Variants in UPP2 observed in about 807,000 individuals in gnomAD.
The protein encoded by UPP2 is UPase 2.
UPP2 carries 23 observed loss-of-function variants against 26.7 expected under a neutral mutation model. The observed-to-expected ratio is 0.86, with a 90% CI of 0.62 to 1.22. UPP2 has a LOEUF of 1.22. UPP2 is among the 50% of genes most tolerant of loss of function. UPP2 has a pLI of 0.00. For synonymous variants in UPP2, 127 were observed against 141.3 expected, an observed-to-expected ratio of 0.90 and a Z score of 0.72; for missense variants, 387 against 396.7, an observed-to-expected ratio of 0.98 and a Z score of 0.21.
intron 2 of UPP2, among the ~76,000 whole-genome samples, chr2:158,011,665 C>T (rs1683581602): frequency 7.3e-6 from 1 of 137,454 alleles, no homozygotes; most frequent in Admixed American, 7.1e-5. Context: ...GAACACTTGT[C>T]TGGAGGGAGG....
rs529044589 is a variant in UPP2 at position 158,000,891 on chromosome 2, G to A, written c.61+5632G>A. On this transcript the variant is annotated intron_variant, in intron 2 of 9. Transcript: ENST00000605860. Reference sequence around the variant, plus strand: ...ACCCAGTTTCCTCATCAGTAAAGTGGATAAAAAATTCTAAAATATGACCGG... The same window carrying A: ...ACCCAGTTTCCTCATCAGTAAAGTGAATAAAAAATTCTAAAATATGACCGG... 2.6e-5 allele frequency among the ~76,000 whole-genome samples: 4 copies of A among 152,328 alleles called. No individual in the cohort carries two copies. In the South Asian group the frequency reaches 8.3e-4, roughly 32 times the overall value.
At chr2:158,087,238 A>T (rs1682831809) in intron 3 of UPP2, among the ~76,000 whole-genome samples, 1 of 152,160 alleles carries the variant, frequency 6.6e-6, no homozygotes, top group Non-Finnish European at 1.5e-5. Context: ...ATCATTATAT[A>T]ATGTCCCTCT....
intron 3 of UPP2, among the ~76,000 whole-genome samples, chr2:158,039,475 T>G (rs1489464242): frequency 1.3e-5 from 2 of 152,202 alleles, no homozygotes; most frequent in Non-Finnish European, 2.9e-5. Flanking sequence ...AAAATCAAGG[T>G]ACAGAAAAGT....
At chr2:158,075,550 C>A (rs552231331) in intron 3 of UPP2, among the ~76,000 whole-genome samples, 1 of 151,998 alleles carries the variant, frequency 6.6e-6, no homozygotes, top group African/African-American at 2.4e-5. Context: ...GACAACTGCA[C>A]AAATACATGG....
At chr2:157,996,005 T>C (rs918699110) in intron 2 of UPP2, among the ~76,000 whole-genome samples, 2 of 152,366 alleles carry the variant, frequency 1.3e-5, no homozygotes, top group Admixed American at 1.3e-4. Flanking sequence ...TTTACCAGTA[T>C]ATAGTCCCAG....
At chr2:158,073,536 C>A (rs530111809) in intron 3 of UPP2, among the ~76,000 whole-genome samples, 1 of 152,210 alleles carries the variant, frequency 6.6e-6, no homozygotes, top group African/African-American at 2.4e-5. Flanking sequence ...TACCTCAAGG[C>A]ATTTAATAAT....
At chr2:158,057,309 C>T (rs1246821162) in intron 3 of UPP2, among the ~76,000 whole-genome samples, 1 of 152,014 alleles carries the variant, frequency 6.6e-6, no homozygotes, top group Non-Finnish European at 1.5e-5. Context: ...AGTTAGGCTC[C>T]TGCTCTTCAG....
chr2:158,047,889 C>T (rs989562040), intron 3 of UPP2, among the ~76,000 whole-genome samples: 1 of 152,160 alleles, frequency 6.6e-6, no homozygotes, highest in Admixed American at 6.5e-5. Flanking sequence ...GAAGGAGTCT[C>T]TCTTACCTCA....
chr2:158,106,503 A>G (rs1327752723), intron 2 of UPP2, among the ~76,000 whole-genome samples: 2 of 152,182 alleles, frequency 1.3e-5, no homozygotes, highest in African/African-American at 4.8e-5. Flanking sequence ...GGTGTTGAGA[A>G]TTCATTATGT....
In UPP2 at chr2:158,051,650, G is replaced by A. The variant is rs184862347; in HGVS notation, c.147+35764G>A. On this transcript the variant is annotated intron_variant, in intron 3 of 9. Transcript: ENST00000605860. The stretch of plus-strand genomic sequence containing the variant: ...ACAAAAATTAGCTGGGTGTGGTGGC[G>A]GGCACCTGTAATCCCAGCTACTCAG... 6.8e-3 allele frequency among the ~76,000 whole-genome samples: 1,038 copies of A among 151,956 alleles called. 16 individuals are homozygous for A. The highest frequency in any genetic ancestry group is 0.023 in the African/African-American group (961 of 41,454).
At chr2:158,011,264 G>A (rs1208583641) in intron 2 of UPP2, among the ~76,000 whole-genome samples, 1 of 152,186 alleles carries the variant, frequency 6.6e-6, no homozygotes, top group Non-Finnish European at 1.5e-5. Flanking sequence ...TAACCAGACA[G>A]CCAGAAGGAC....
chr2:157,998,671 G>A (rs942634863), intron 2 of UPP2, among the ~76,000 whole-genome samples: 6 of 151,966 alleles, frequency 3.9e-5, no homozygotes, highest in Non-Finnish European at 8.8e-5. Flanking sequence ...GTGTGGTGGC[G>A]CATGCCTGTA....
chr2:158,134,686 T>C, intron 6 of UPP2, 62 bp from the exon 7 acceptor site: 1 of 1,501,310 alleles, frequency 6.7e-7, no homozygotes, highest in South Asian at 1.4e-5. Flanking sequence ...TGTGTTTGGC[T>C]AATGCTTCTA....
chr2:158,045,055 A>C (rs1420838152), intron 3 of UPP2, among the ~76,000 whole-genome samples: 1 of 152,114 alleles, frequency 6.6e-6, no homozygotes, highest in Non-Finnish European at 1.5e-5. Context: ...CTTTTTCCTG[A>C]ATGTATTTTC....
chr2:158,061,030 G>A (rs1247967273), intron 3 of UPP2, among the ~76,000 whole-genome samples: 4 of 152,320 alleles, frequency 2.6e-5, no homozygotes, highest in Non-Finnish European at 5.9e-5. Context: ...ACTTTTCAGT[G>A]AACTGGTAGA....
chr2:158,109,328 T>A (rs73966254), intron 2 of UPP2, among the ~76,000 whole-genome samples: 1 of 152,118 alleles, frequency 6.6e-6, no homozygotes, highest in Non-Finnish European at 1.5e-5. Flanking sequence ...TATTTAAAAA[T>A]TTTTGCTACT....
At chr2:158,107,019 T>C (rs1372655554) in intron 2 of UPP2, among the ~76,000 whole-genome samples, 1 of 152,224 alleles carries the variant, frequency 6.6e-6, no homozygotes, top group Non-Finnish European at 1.5e-5. Context: ...TTTATGGGTG[T>C]CAAGTGGTGT....
intron 2 of UPP2, among the ~76,000 whole-genome samples, chr2:158,005,789 C>G (rs189922817): frequency 6.6e-6 from 1 of 152,154 alleles, no homozygotes; most frequent in Admixed American, 6.5e-5. Context: ...ACAGCTGACC[C>G]TAAACAAACT....
rs1169448535 is a variant in UPP2 at position 158,120,622 on chromosome 2, C to CTTA, written c.455-784_455-782dup. On this transcript the variant is annotated intron_variant, in intron 4 of 6. Transcript: ENST00000005756. ...TAGGGCATTTATGAAGATATATCTT[C>CTTA]TTATTCAGGCTTTAAATAGAAACCA... Among the ~76,000 whole-genome samples, 21 of 152,098 alleles carry CTTA rather than the reference C, an allele frequency of 1.4e-4. 1 individual carries two copies. Among genetic ancestry groups the CTTA allele is most frequent in the African/African-American group, 4.8e-4 (20 of 41,524 alleles).
Sources: gnomAD v4.1 joint callset for allele counts (sites outside exome capture counted in the v4.1 genomes callset) on GRCh38, gnomAD v4.1.1 for gene constraint, MANE v1.5 for transcripts, NCBI Gene and HGNC (gene_info 2026-07-23, HGNC 2026-07-21) for gene names.